KDM4C: variants seen among roughly 807,000 people sequenced by gnomAD.
The protein encoded by KDM4C is lysine demethylase 4C, also known as lysine-specific demethylase 4C.
Under a neutral mutation model 129.3 loss-of-function variants are expected in KDM4C, and 81 were observed. That is an observed-to-expected ratio of 0.63 (90% CI 0.52 to 0.75). The LOEUF is 0.75. Ranked by LOEUF, KDM4C falls within the 30% of genes least tolerant of loss-of-function variation. The pLI is 0.00. For synonymous variants in KDM4C, 573 were observed against 456.1 expected, an observed-to-expected ratio of 1.26 and a Z score of -3.26; for missense variants, 1,457 against 1,304.0, an observed-to-expected ratio of 1.12 and a Z score of -1.81.
chr9:6,961,320 G>A (rs896065269), intron 8 of KDM4C, among the ~76,000 whole-genome samples: 22 of 152,240 alleles, frequency 1.4e-4, no homozygotes, highest in Non-Finnish European at 2.2e-4. Context: ...AGCACTAAAC[G>A]TGGGGTGGTG....
intron 21 of KDM4C, among the ~76,000 whole-genome samples, chr9:7,172,184 G>A (rs73639836): frequency 0.014 from 2,086 of 152,254 alleles, 59 homozygotes; most frequent in African/African-American, 0.047. Context: ...GAGGTTAGCC[G>A]CCCTTGTCAG....
chr9:6,728,492 C>T (rs1417586422), intron 1 of KDM4C, among the ~76,000 whole-genome samples: 2 of 151,772 alleles, frequency 1.3e-5, no homozygotes, highest in African/African-American at 4.8e-5. Context: ...TGAGATCACG[C>T]CACTGCACTC....
chr9:7,136,655 A>G (rs772532464), intron 19 of KDM4C, among the ~76,000 whole-genome samples: 1 of 152,330 alleles, frequency 6.6e-6, no homozygotes, highest in South Asian at 2.1e-4. Flanking sequence ...CAAACCAGTA[A>G]TATATTTTAC....
intron 17 of KDM4C, among the ~76,000 whole-genome samples, chr9:7,060,251 T>C (rs1831437656): frequency 6.6e-6 from 1 of 151,254 alleles, no homozygotes; most frequent in Non-Finnish European, 1.5e-5. Context: ...GGCAAGAACG[T>C]GGAGAACAGA....
chr9:7,083,926 A>G (rs1212768691), intron 17 of KDM4C, among the ~76,000 whole-genome samples: 1 of 152,200 alleles, frequency 6.6e-6, no homozygotes, highest in Non-Finnish European at 1.5e-5. Flanking sequence ...GAGTAAAAAC[A>G]TTATATAGAG....
chr9:6,948,380 C>T (rs560511709), intron 8 of KDM4C, among the ~76,000 whole-genome samples: 1 of 150,576 alleles, frequency 6.6e-6, no homozygotes, highest in Admixed American at 6.6e-5. Flanking sequence ...GGATTTCGTT[C>T]TAAATATACG....
chr9:6,729,131 G>A lies in KDM4C; in HGVS notation c.49+8134G>A, dbSNP rs1301151862. Among the ~76,000 whole-genome samples the A allele has an allele frequency of 1.6e-5, 2 of 123,174 alleles. 1 individual carries two copies. The highest frequency in any genetic ancestry group is 3.2e-5 in the Non-Finnish European group (2 of 63,186). The allele number at this position is 123,174 out of a possible 152,430, so 80.8% of individuals were successfully genotyped here. On this transcript the variant is annotated intron_variant, in intron 1 of 17. Transcript: ENST00000536108. ...GAGGCAGAGAATTGCTTGAACCCGGGAAGCAGAGGTTGCAGTGAGCCGAGA... is the reference window on the plus strand; with the variant it reads ...GAGGCAGAGAATTGCTTGAACCCGGAAAGCAGAGGTTGCAGTGAGCCGAGA...
chr9:6,804,270 G>T (rs759655703), intron 2 of KDM4C, among the ~76,000 whole-genome samples: 36 of 152,206 alleles, frequency 2.4e-4, no homozygotes, highest in Non-Finnish European at 4.3e-4. Flanking sequence ...AGAGTTGATA[G>T]TGCACATCTC....
At chr9:7,118,796 A>G (rs143560679) in intron 18 of KDM4C, among the ~76,000 whole-genome samples, 1 of 152,238 alleles carries the variant, frequency 6.6e-6, no homozygotes, top group Non-Finnish European at 1.5e-5. Flanking sequence ...TCATATGTAG[A>G]TAGAGAACCC....
chr9:6,877,392 G>A (rs1843722372), intron 5 of KDM4C, among the ~76,000 whole-genome samples: 1 of 152,106 alleles, frequency 6.6e-6, no homozygotes, highest in Admixed American at 6.6e-5. Context: ...AGTAGAAATG[G>A]GGTTTCACCT....
chr9:7,163,562 C>T (rs1297828917), intron 19 of KDM4C, among the ~76,000 whole-genome samples: 1 of 152,198 alleles, frequency 6.6e-6, no homozygotes, highest in East Asian at 1.9e-4. Flanking sequence ...TGCCGCCACA[C>T]TTACCCCAGC....
At chr9:6,872,412 C>T (rs1842927147) in intron 5 of KDM4C, among the ~76,000 whole-genome samples, 1 of 152,040 alleles carries the variant, frequency 6.6e-6, no homozygotes, top group Non-Finnish European at 1.5e-5. Context: ...GAGTTTAAGT[C>T]CTGAATATCC....
chr9:7,005,365 G>C (rs1783194209), intron 12 of KDM4C, among the ~76,000 whole-genome samples: 1 of 151,500 alleles, frequency 6.6e-6, no homozygotes, highest in Non-Finnish European at 1.5e-5. Flanking sequence ...AACCCAGGAG[G>C]CGGAGGTTTC....
At chr9:6,802,085 AC>A (rs1407387950) in intron 2 of KDM4C, among the ~76,000 whole-genome samples, 1 of 151,082 alleles carries the variant, frequency 6.6e-6, no homozygotes, top group East Asian at 1.9e-4. Flanking sequence ...AGCCTGGGGA[AC>A]AAAAGAGAAA....
chr9:7,090,250 A>G (rs1587576085), intron 17 of KDM4C, among the ~76,000 whole-genome samples: 1 of 152,188 alleles, frequency 6.6e-6, no homozygotes, highest in African/African-American at 2.4e-5. Context: ...TTAAAATGAC[A>G]TTTACCTCTT....
chr9:7,011,763 A>G lies in KDM4C; in HGVS notation c.1852A>G (p.Ile618Val). ...AACAGAGTCTTGGGCGAAACCTCTC[A>G]TCCACCTTTGGCAGACGAAGTCCCC... ...EETESWAKPL[I>V]HLWQTKSPNF... The change falls in exon 13 of 22, where the codon ATC becomes GTC. Residue 618 changes from isoleucine to valine, a missense_variant. Ile to Val is a conservative substitution (Grantham distance 29, BLOSUM62 3). Transcript: ENST00000381309. The G allele has an allele frequency of 6.2e-7, 1 of 1,614,144 alleles. No individual in the cohort carries two copies. The highest frequency in any genetic ancestry group is 8.5e-7 in the Non-Finnish European group (1 of 1,179,980).
At chr9:7,142,114 A>G (rs972034786) in intron 19 of KDM4C, among the ~76,000 whole-genome samples, 2 of 152,234 alleles carry the variant, frequency 1.3e-5, no homozygotes, top group Admixed American at 6.5e-5. Context: ...ATAAATAAAT[A>G]AATTGAGCAT....
At chr9:6,760,229 T>A (rs967186891) in intron 1 of KDM4C, among the ~76,000 whole-genome samples, 1 of 151,944 alleles carries the variant, frequency 6.6e-6, no homozygotes, top group South Asian at 2.1e-4. Flanking sequence ...GTGAGTGACT[T>A]CTTTCACTTG....
chr9:6,966,332 G>A (rs970253043), intron 8 of KDM4C, among the ~76,000 whole-genome samples: 22 of 152,136 alleles, frequency 1.4e-4, no homozygotes, highest in South Asian at 8.3e-4. Flanking sequence ...ACAGGCGCCC[G>A]CCACTGCGCC....
Sources: allele counts gnomAD v4.1 joint callset (sites outside exome capture counted in the v4.1 genomes callset), GRCh38; gene constraint gnomAD v4.1.1; transcripts MANE v1.5; gene names NCBI Gene and HGNC (gene_info 2026-07-23, HGNC 2026-07-21).